SUPT3H: variants seen among roughly 807,000 people sequenced by gnomAD.
SUPT3H encodes SPT3 homolog, SAGA and STAGA complex component.
In SUPT3H, 44 loss-of-function variants were observed where a neutral mutation model predicts 44.3. The observed-to-expected ratio is 0.99, with a 90% CI of 0.78 to 1.28. SUPT3H has a LOEUF of 1.28. Ranked by LOEUF, SUPT3H falls within the 50% of genes most tolerant of loss-of-function variation. The pLI is 0.00. For synonymous variants in SUPT3H, 124 were observed against 125.6 expected (o/e 0.99, Z 0.09); for missense variants, 380 against 387.1 (o/e 0.98, Z 0.15).
chr6:45,003,521 C>T (rs770131064), intron 6 of SUPT3H, 132 bp downstream of exon 6: 26 of 1,021,366 alleles, frequency 2.5e-5, no homozygotes, highest in African/African-American at 3.3e-5. Flanking sequence ...CTCTGCACAT[C>T]GCTGCCATCA....
At position 44,868,736 on chromosome 6, in the gene SUPT3H, C is replaced by T. The variant is rs939209057; in HGVS notation, c.913-38879G>A. Reference sequence around the variant, plus strand: ...CCTGTTTTCTTGGACTTCATCACAGCAACTACTTCCTGTGTTTCCTGATGT... The same window carrying T: ...CCTGTTTTCTTGGACTTCATCACAGTAACTACTTCCTGTGTTTCCTGATGT... On this transcript the variant is annotated intron_variant, in intron 10 of 10. Transcript: ENST00000371459. Among the ~76,000 whole-genome samples, 109 of 152,160 alleles carry T rather than the reference C, an allele frequency of 7.2e-4. 1 individual carries two copies. The highest frequency in any genetic ancestry group is 2.2e-4 in the Non-Finnish European group (15 of 68,022).
At chr6:45,339,895 A>C (rs1258213099) in intron 2 of SUPT3H, among the ~76,000 whole-genome samples, 1 of 152,178 alleles carries the variant, frequency 6.6e-6, no homozygotes, top group Non-Finnish European at 1.5e-5. Flanking sequence ...TGTACCGGGT[A>C]CTATGCTAAG....
At chr6:45,054,550 T>C (rs1311621704) in intron 3 of SUPT3H, among the ~76,000 whole-genome samples, 1 of 152,210 alleles carries the variant, frequency 6.6e-6, no homozygotes. Context: ...ATGTGTATGC[T>C]TTTCCTTTGT....
chr6:44,949,135 C>A (rs1275186662), intron 9 of SUPT3H, among the ~76,000 whole-genome samples: 1 of 151,902 alleles, frequency 6.6e-6, no homozygotes, highest in Non-Finnish European at 1.5e-5. Flanking sequence ...CAAACTAACG[C>A]AAGGACAGAA....
intron 2 of SUPT3H, among the ~76,000 whole-genome samples, chr6:45,355,361 T>C (rs150179710): frequency 1.7e-3 from 259 of 152,172 alleles, no homozygotes; most frequent in Non-Finnish European, 1.3e-3. Context: ...TAATATAAAC[T>C]GTCTCTATGA....
intron 6 of SUPT3H, among the ~76,000 whole-genome samples, chr6:44,972,389 G>A (rs1777705142): frequency 6.6e-6 from 1 of 152,138 alleles, no homozygotes; most frequent in Non-Finnish European, 1.5e-5. Context: ...AAGAGAGGTG[G>A]GGTCCCAGGG....
Position 45,009,712 on chromosome 6 carries a change from G to A in SUPT3H, c.364+5089C>T, listed in dbSNP as rs558012914. Among the ~76,000 whole-genome samples the A allele has an allele frequency of 9.9e-5, 15 of 152,186 alleles. 1 individual carries two copies. The South Asian group carries it at 3.1e-3, about 32-fold the overall frequency. ...GTACTGCTCTATCGTAATTACTGTA[G>A]CTTTATGGTAAGTTTTGAAATCAGT... On this transcript the variant is annotated intron_variant, in intron 5 of 10. Coordinates refer to ENST00000371459, the MANE Select transcript of SUPT3H (RefSeq NM_003599.4).
chr6:45,236,467 T>C (rs1488660961), intron 2 of SUPT3H, among the ~76,000 whole-genome samples: 1 of 152,080 alleles, frequency 6.6e-6, no homozygotes, highest in Non-Finnish European at 1.5e-5. Flanking sequence ...TATAACAAAG[T>C]AACAGAGCAG....
chr6:45,191,475 TA>T (rs1815125353), intron 2 of SUPT3H, among the ~76,000 whole-genome samples: 1 of 152,086 alleles, frequency 6.6e-6, no homozygotes, highest in African/African-American at 2.4e-5. Context: ...TTCTGTGTAG[TA>T]ATATAATGGT....
At chr6:44,858,173 T>C (rs911856241) in intron 10 of SUPT3H, among the ~76,000 whole-genome samples, 3 of 152,158 alleles carry the variant, frequency 2.0e-5, no homozygotes, top group Non-Finnish European at 2.9e-5. Flanking sequence ...TAATTGAACC[T>C]TGAGGGTAGG....
chr6:45,308,223 A>G (rs181863048), intron 2 of SUPT3H, among the ~76,000 whole-genome samples: 2 of 152,304 alleles, frequency 1.3e-5, no homozygotes, highest in African/African-American at 2.4e-5. Context: ...GCAGGCCAAC[A>G]TGCAAAATCA....
At chr6:44,962,836 C>T (rs1337334814) in intron 6 of SUPT3H, among the ~76,000 whole-genome samples, 1 of 151,844 alleles carries the variant, frequency 6.6e-6, no homozygotes, top group Admixed American at 6.6e-5. Flanking sequence ...AATTACTAGT[C>T]ACTACCGTGG....
intron 10 of SUPT3H, among the ~76,000 whole-genome samples, chr6:44,868,741 A>G (rs1775898789): frequency 6.6e-6 from 1 of 152,094 alleles, no homozygotes; most frequent in Non-Finnish European, 1.5e-5. Context: ...CACAGCAACT[A>G]CTTCCTGTGT....
chr6:44,812,544 C>G (rs1026389327), intron 11 of SUPT3H, among the ~76,000 whole-genome samples: 1 of 152,352 alleles, frequency 6.6e-6, no homozygotes, highest in Middle Eastern at 3.4e-3. Context: ...TTCATGCCAT[C>G]TGCAACCTTA....
chr6:45,270,493 T>C (rs1170501391), intron 2 of SUPT3H, among the ~76,000 whole-genome samples: 4 of 152,174 alleles, frequency 2.6e-5, no homozygotes, highest in African/African-American at 9.7e-5. Flanking sequence ...CTGTTTTGCT[T>C]AGCTCTCATT....
chr6:44,980,422 T>C (rs1003792408), intron 6 of SUPT3H, among the ~76,000 whole-genome samples: 10 of 152,134 alleles, frequency 6.6e-5, no homozygotes, highest in African/African-American at 2.4e-4. Flanking sequence ...TGCTGTACAA[T>C]GATGTTACGT....
chr6:44,983,253 G>A (rs977437692), intron 6 of SUPT3H, among the ~76,000 whole-genome samples: 3 of 152,052 alleles, frequency 2.0e-5, no homozygotes, highest in African/African-American at 7.2e-5. Context: ...AGTCTATACA[G>A]GGTGACTTGT....
intron 2 of SUPT3H, among the ~76,000 whole-genome samples, chr6:45,167,429 T>C (rs1810070280): frequency 1.3e-5 from 2 of 152,350 alleles, no homozygotes; most frequent in Middle Eastern, 3.4e-3. Flanking sequence ...CTAATCCCTA[T>C]GTGAGAGATT....
chr6:45,052,920 T>C (rs1790522240), intron 3 of SUPT3H, among the ~76,000 whole-genome samples: 1 of 151,712 alleles, frequency 6.6e-6, no homozygotes, highest in African/African-American at 2.4e-5. Context: ...GTATGTGTGA[T>C]ATGAGAGTGA....
Sources: allele counts gnomAD v4.1 joint callset (sites outside exome capture counted in the v4.1 genomes callset), GRCh38; gene constraint gnomAD v4.1.1; transcripts MANE v1.5; gene names NCBI Gene and HGNC (gene_info 2026-07-23, HGNC 2026-07-21).